PTPRN2: variants seen among roughly 807,000 people sequenced by gnomAD.
PTPRN2 encodes receptor-type tyrosine-protein phosphatase N2.
A neutral mutation model predicts 118.8 loss-of-function variants in PTPRN2; 74 were observed. That is an observed-to-expected ratio of 0.62 (90% CI 0.52 to 0.76). PTPRN2 has a LOEUF of 0.76. Among genes scored for constraint, PTPRN2 ranks in the 30% least tolerant of loss-of-function variants. The pLI, the probability that PTPRN2 is intolerant of heterozygous loss-of-function variation, is 0.00. For missense variants in PTPRN2, 1,481 were observed against 1,394.4 expected (o/e 1.06, Z -0.99); for synonymous variants, 641 against 608.0 (o/e 1.05, Z -0.80).
chr7:158,478,631 T>C (rs1342718654), intron 2 of PTPRN2, among the ~76,000 whole-genome samples: 1 of 152,176 alleles, frequency 6.6e-6, no homozygotes, highest in Non-Finnish European at 1.5e-5. Context: ...ACCCCAAGGC[T>C]GCCCTTCAGT....
rs933581108 is a variant in PTPRN2 at position 157,674,334 on chromosome 7, G to A, written c.2001+8391C>T. 1.8e-4 allele frequency among the ~76,000 whole-genome samples: 27 copies of A among 152,262 alleles called. No individual in the cohort carries two copies. Among genetic ancestry groups the A allele is most frequent in the African/African-American group, 4.3e-4 (18 of 41,558 alleles). On this transcript the variant is annotated intron_variant, in intron 13 of 22. Transcript: ENST00000389418. The surrounding 1 kb of genome is among the most constrained non-coding windows in gnomAD (Gnocchi z 4.5). Reference sequence around the variant, plus strand: ...GGGGGGACTCCTGCTGGAGGCGGCCGGCAGATCAGCCTTCCTTATCCACGT... The same window carrying A: ...GGGGGGACTCCTGCTGGAGGCGGCCAGCAGATCAGCCTTCCTTATCCACGT...
intron 12 of PTPRN2, among the ~76,000 whole-genome samples, chr7:157,698,646 C>T (rs1166773803): frequency 6.6e-6 from 1 of 152,214 alleles, no homozygotes; most frequent in South Asian, 2.1e-4. Context: ...TGAAAAAATA[C>T]TGTTCATAAG....
chr7:158,335,816 G>C, intron 2 of PTPRN2, among the ~76,000 whole-genome samples: 1 of 8,726 alleles, frequency 1.1e-4, no homozygotes, highest in Non-Finnish European at 2.6e-4. Flanking sequence ...GACACCTGCA[G>C]ACGTCACTCA....
At chr7:157,655,917 A>G (rs1408699872) in intron 14 of PTPRN2, among the ~76,000 whole-genome samples, 1 of 151,108 alleles carries the variant, frequency 6.6e-6, no homozygotes, top group Non-Finnish European at 1.5e-5. Context: ...CCCAGCCCAC[A>G]CCTCCTCCTG....
Position 158,565,430 on chromosome 7 carries a change from G to A in PTPRN2, c.112+22128C>T, listed in dbSNP as rs146216232. Among the ~76,000 whole-genome samples, 126 of 152,254 alleles carry A rather than the reference G, an allele frequency of 8.3e-4. No homozygotes were observed. The highest frequency in any genetic ancestry group is 2.8e-3 in the African/African-American group (118 of 41,542). ...CTGTGGCTGGTCATCTCAACCCCAGGTGCCACAGGCCATCTGGACACCACC... is the reference window on the plus strand; with the variant it reads ...CTGTGGCTGGTCATCTCAACCCCAGATGCCACAGGCCATCTGGACACCACC... On this transcript the variant is annotated intron_variant, in intron 1 of 22. Coordinates refer to ENST00000389418, the MANE Select transcript of PTPRN2 (RefSeq NM_002847.5). The surrounding 1 kb of genome is among the most constrained non-coding windows in gnomAD (Gnocchi z 4.6).
At chr7:158,175,237 G>A (rs780844420) in intron 5 of PTPRN2, among the ~76,000 whole-genome samples, 2 of 152,194 alleles carry the variant, frequency 1.3e-5, no homozygotes, top group Non-Finnish European at 2.9e-5. Flanking sequence ...ATCACGGCGT[G>A]CTTGCTGCCA....
rs181138858 is a variant in PTPRN2, at chr7:158,203,088, T to C, written c.380+2083A>G. 2.0e-5 allele frequency among the ~76,000 whole-genome samples: 3 copies of C among 151,592 alleles called. No individual in the cohort carries two copies. In the East Asian group the frequency reaches 5.8e-4, roughly 29 times the overall value. On this transcript the variant is annotated intron_variant, in intron 4 of 22. Transcript: ENST00000389418. The stretch of plus-strand genomic sequence containing the variant: ...CTCTACTAAAAATACAAAAATTAGC[T>C]GGGTATGGTGGCGCGCACCTGTAGT...
intron 12 of PTPRN2, among the ~76,000 whole-genome samples, chr7:157,745,573 G>T (rs892151997): frequency 6.6e-6 from 1 of 152,088 alleles, no homozygotes; most frequent in African/African-American, 2.4e-5. Flanking sequence ...TTGCACCTCA[G>T]TCCTGATATT....
At chr7:158,543,811 A>G (rs1458176199) in intron 1 of PTPRN2, among the ~76,000 whole-genome samples, 1 of 152,234 alleles carries the variant, frequency 6.6e-6, no homozygotes, top group Non-Finnish European at 1.5e-5. Context: ...ACAAAAATCT[A>G]CTGAGACCGG....
chr7:157,828,252 G>A (rs976540901), intron 12 of PTPRN2, among the ~76,000 whole-genome samples: 4 of 152,150 alleles, frequency 2.6e-5, no homozygotes, highest in African/African-American at 4.8e-5. Flanking sequence ...CAACCTGTCC[G>A]GATGCCCCTG....
intron 11 of PTPRN2, among the ~76,000 whole-genome samples, chr7:157,996,101 T>C (rs929206527): frequency 6.6e-6 from 1 of 152,132 alleles, no homozygotes; most frequent in Non-Finnish European, 1.5e-5. Context: ...TATTCAGCCA[T>C]AAAAAAGGAT....
intron 3 of PTPRN2, among the ~76,000 whole-genome samples, chr7:158,231,470 T>C (rs1239950872): frequency 6.6e-6 from 1 of 151,970 alleles, no homozygotes; most frequent in Non-Finnish European, 1.5e-5. Flanking sequence ...CTGAAGTATA[T>C]AAAACAGACA....
At chr7:158,188,001 T>C (rs1363615977) in intron 5 of PTPRN2, among the ~76,000 whole-genome samples, 1 of 152,112 alleles carries the variant, frequency 6.6e-6, no homozygotes, top group Non-Finnish European at 1.5e-5. Context: ...GCAGGCAAGA[T>C]GGGGGCAGTG....
chr7:157,999,369 G>A (rs1805042476), intron 11 of PTPRN2, among the ~76,000 whole-genome samples: 1 of 152,194 alleles, frequency 6.6e-6, no homozygotes, highest in Non-Finnish European at 1.5e-5. Flanking sequence ...ACCGTGTGCT[G>A]CCCGAATTTC....
intron 12 of PTPRN2, among the ~76,000 whole-genome samples, chr7:157,769,299 T>C (rs1375749383): frequency 1.3e-5 from 2 of 152,086 alleles, no homozygotes; most frequent in South Asian, 2.1e-4. Flanking sequence ...ATTTCACAGT[T>C]TAATTACTGC....
At chr7:157,919,748 C>T (rs1798597895) in intron 11 of PTPRN2, among the ~76,000 whole-genome samples, 1 of 152,106 alleles carries the variant, frequency 6.6e-6, no homozygotes, top group Non-Finnish European at 1.5e-5. Context: ...CCCTTAAGAC[C>T]ATTTATATAT....
At chr7:158,162,210 C>T (rs1311318963) in intron 6 of PTPRN2, among the ~76,000 whole-genome samples, 1 of 152,206 alleles carries the variant, frequency 6.6e-6, no homozygotes, top group African/African-American at 2.4e-5. Flanking sequence ...CATTCTCTTA[C>T]TATGTGATCC....
At chr7:158,403,048 T>C (rs1453099) in intron 2 of PTPRN2, among the ~76,000 whole-genome samples, 148,201 of 152,334 alleles carry the variant, frequency 0.97, 72,121 homozygotes, top group African/African-American at 0.99. Flanking sequence ...GGCTTCTTCA[T>C]ATGCTTCCCA....
chr7:157,824,754 C>T (rs969481432), intron 12 of PTPRN2, among the ~76,000 whole-genome samples: 1 of 152,270 alleles, frequency 6.6e-6, no homozygotes, highest in Non-Finnish European at 1.5e-5. Flanking sequence ...ACTGCAGTGA[C>T]CCCCAACTAG....
Sources: gnomAD v4.1 joint callset for allele counts (sites outside exome capture counted in the v4.1 genomes callset) on GRCh38, gnomAD v4.1.1 for gene constraint, Gnocchi (gnomAD v3.1) non-coding constraint, MANE v1.5 for transcripts, NCBI Gene and HGNC (gene_info 2026-07-23, HGNC 2026-07-21) for gene names.